The following PIP5K1B variants were observed in gnomAD, a reference collection of about 807,000 sequenced individuals.
The protein encoded by PIP5K1B is phosphatidylinositol 4-phosphate 5-kinase type-1 beta.
In PIP5K1B, 42 loss-of-function variants were observed where a neutral mutation model predicts 67.0. That is an observed-to-expected ratio of 0.63 (90% CI 0.49 to 0.81). The LOEUF (loss-of-function observed/expected upper bound fraction) is 0.81, where lower values mean the gene tolerates loss of function less well. Among genes scored for constraint, PIP5K1B ranks in the 30% least tolerant of loss-of-function variants. The pLI, the probability that PIP5K1B is intolerant of heterozygous loss-of-function variation, is 0.00. For missense variants in PIP5K1B, 459 were observed against 646.3 expected (o/e 0.71, Z 3.14); for synonymous variants, 214 against 231.4 (o/e 0.92, Z 0.68).
At chr9:68,827,680 T>C (rs899914283) in intron 4 of PIP5K1B, among the ~76,000 whole-genome samples, 2 of 152,138 alleles carry the variant, frequency 1.3e-5, no homozygotes, top group African/African-American at 4.8e-5. Context: ...TAGGAAAAGA[T>C]GTGGGGAATA....
intron 2 of PIP5K1B, among the ~76,000 whole-genome samples, chr9:68,786,319 A>C (rs1394657461): frequency 6.6e-6 from 1 of 152,194 alleles, no homozygotes; most frequent in Non-Finnish European, 1.5e-5. Context: ...CTTTACATTT[A>C]TGAGTGTTTA....
chr9:68,917,025 T>G (rs745546783), intron 8 of PIP5K1B, among the ~76,000 whole-genome samples: 9 of 152,192 alleles, frequency 5.9e-5, no homozygotes, highest in African/African-American at 9.7e-5. Flanking sequence ...GCGTACAAAC[T>G]TACAAGCTTG....
At chr9:68,848,779 G>C (rs1822326852) in intron 4 of PIP5K1B, among the ~76,000 whole-genome samples, 3 of 152,152 alleles carry the variant, frequency 2.0e-5, no homozygotes, top group Admixed American at 1.3e-4. Flanking sequence ...TACAAATGCA[G>C]TTTAACTTTA....
intron 1 of PIP5K1B, among the ~76,000 whole-genome samples, chr9:68,724,237 G>GT (rs61401691): frequency 1.9e-3 from 275 of 145,610 alleles, no homozygotes; most frequent in African/African-American, 4.1e-3. Flanking sequence ...TTTTTTTTGG[G>GT]TTTTTTTTTT....
intron 1 of PIP5K1B, among the ~76,000 whole-genome samples, chr9:68,720,580 T>A (rs1827837511): frequency 6.6e-6 from 1 of 152,190 alleles, no homozygotes. Context: ...CAGCTACCAA[T>A]TTTTTAAAAA....
At chr9:68,848,689 A>C (rs1055092179) in intron 4 of PIP5K1B, among the ~76,000 whole-genome samples, 1 of 152,234 alleles carries the variant, frequency 6.6e-6, no homozygotes, top group South Asian at 2.1e-4. Context: ...GCCCTGTGAG[A>C]GCATACAATT....
intron 2 of PIP5K1B, among the ~76,000 whole-genome samples, chr9:68,748,785 T>G (rs529338110): frequency 6.6e-6 from 1 of 152,068 alleles, no homozygotes; most frequent in Non-Finnish European, 1.5e-5. Flanking sequence ...CACGCCCTGC[T>G]ATTTTTAGTA....
chr9:68,913,763 C>G (rs1825961365), intron 8 of PIP5K1B, among the ~76,000 whole-genome samples: 1 of 152,142 alleles, frequency 6.6e-6, no homozygotes, highest in Non-Finnish European at 1.5e-5. Flanking sequence ...AACTCAGCAC[C>G]CTTCCCAGAT....
At position 68,780,541 on chromosome 9, in the gene PIP5K1B, A is replaced by G. The variant is rs563994775; in HGVS notation, c.-86+37884A>G. The G allele has an allele frequency of 2.5e-6, 4 of 1,614,202 alleles. No homozygotes were observed. The highest frequency in any genetic ancestry group is 1.7e-5 in the Admixed American group (1 of 60,030). On this transcript the variant is annotated intron_variant, in intron 2 of 15. Coordinates refer to ENST00000265382, the MANE Select transcript of PIP5K1B (RefSeq NM_003558.4). The stretch of plus-strand genomic sequence containing the variant: ...GAGGAAAGTTTCAGCCTGAGTGACA[A>G]CGACGTGGAGAAATCCGCCTCCCCC...
intron 7 of PIP5K1B, among the ~76,000 whole-genome samples, chr9:68,892,585 T>C (rs1354164039): frequency 6.6e-6 from 1 of 152,218 alleles, no homozygotes; most frequent in East Asian, 1.9e-4. Context: ...ATTTCAGATC[T>C]TTCACATACA....
At chr9:68,712,617 C>G (rs547564652) in intron 1 of PIP5K1B, among the ~76,000 whole-genome samples, 2 of 152,300 alleles carry the variant, frequency 1.3e-5, no homozygotes, top group Non-Finnish European at 1.5e-5. Flanking sequence ...AGTGGGCCAT[C>G]ATTTAGGTTA....
chr9:68,982,401 A>G (rs1587757433), intron 14 of PIP5K1B, among the ~76,000 whole-genome samples: 2 of 152,342 alleles, frequency 1.3e-5, no homozygotes, highest in Middle Eastern at 3.4e-3. Context: ...GTCAGAACTG[A>G]GGAGCAATGA....
At position 68,946,360 on chromosome 9, in the gene PIP5K1B, C is replaced by T. The variant is rs117455175; in HGVS notation, c.1502+5570C>T. On this transcript the variant is annotated intron_variant, in intron 14 of 15. Coordinates refer to ENST00000265382, the MANE Select transcript of PIP5K1B (RefSeq NM_003558.4). ...ACTCGTTGATGCTAAACATTGAAGA[C>T]GACCTCTCCAGACTCTTTGTTCTTT... Among the ~76,000 whole-genome samples, 76 of 152,182 alleles carry T rather than the reference C, an allele frequency of 5.0e-4. 1 individual carries two copies. The East Asian group carries it at 0.013, about 26-fold the overall frequency.
chr9:68,814,226 C>T (rs578248438), intron 2 of PIP5K1B, among the ~76,000 whole-genome samples: 19 of 151,956 alleles, frequency 1.3e-4, no homozygotes, highest in East Asian at 7.7e-4. Flanking sequence ...CACAGCAAGC[C>T]GAGCGAAAAA....
chr9:68,928,381 G>A (rs1256178307), intron 12 of PIP5K1B, among the ~76,000 whole-genome samples: 1 of 152,220 alleles, frequency 6.6e-6, no homozygotes, highest in African/African-American at 2.4e-5. Context: ...AATTTGGGGA[G>A]TGTTGCCATC....
rs371662012 is a variant in PIP5K1B at position 68,726,784 on chromosome 9, A to G, written c.-242-15717A>G. 3.0e-4 allele frequency among the ~76,000 whole-genome samples: 45 copies of G among 152,220 alleles called. 2 individuals are homozygous for G. The South Asian group carries it at 9.3e-3, about 32-fold the overall frequency. ...TCATATGAGAGTTTCCGTTGCTTCA[A>G]CTTTTTATGAACACATGGTATGATC... On this transcript the variant is annotated intron_variant, in intron 1 of 15. Coordinates refer to ENST00000265382, the MANE Select transcript of PIP5K1B (RefSeq NM_003558.4).
chr9:68,859,631 C>G (rs1490821536), intron 4 of PIP5K1B, among the ~76,000 whole-genome samples: 1 of 152,152 alleles, frequency 6.6e-6, no homozygotes, highest in African/African-American at 2.4e-5. Context: ...CGGCAACCCA[C>G]CACCGTGTCA....
At chr9:68,731,736 T>G (rs2132290397) in intron 1 of PIP5K1B, among the ~76,000 whole-genome samples, 1 of 152,270 alleles carries the variant, frequency 6.6e-6, no homozygotes, top group South Asian at 2.1e-4. Context: ...GCCTTTGAGG[T>G]TAGTGCATGT....
rs541206174 is a variant in PIP5K1B at position 68,824,139 on chromosome 9, C to T, written c.69+1456C>T. On this transcript the variant is annotated intron_variant, in intron 4 of 15. Transcript: ENST00000265382. ...ATCCTGTCTCGTTTACCCAAGATTC[C>T]GTGTACATTCATTCAAGCATGGACC... 25 of 518,908 alleles carry T rather than the reference C, an allele frequency of 4.8e-5. 1 individual carries two copies. The highest frequency in any genetic ancestry group is 3.2e-4 in the South Asian group (23 of 71,590). 32.1% of individuals were successfully genotyped at this position (518,908 alleles called of 1,614,324 possible).
Sources: gnomAD v4.1 joint callset for allele counts (sites outside exome capture counted in the v4.1 genomes callset) on GRCh38, gnomAD v4.1.1 for gene constraint, MANE v1.5 for transcripts, NCBI Gene and HGNC (gene_info 2026-07-23, HGNC 2026-07-21) for gene names.